ZDHHC21: variants seen among roughly 807,000 people sequenced by gnomAD.
The protein encoded by ZDHHC21 is zDHHC palmitoyltransferase 21.
Under a neutral mutation model 34.6 loss-of-function variants are expected in ZDHHC21, and 15 were observed. The ratio of observed to expected loss-of-function variants is 0.43; its 90% CI spans 0.29 to 0.67. The LOEUF (loss-of-function observed/expected upper bound fraction) is 0.67, where lower values mean the gene tolerates loss of function less well. Among genes scored for constraint, ZDHHC21 ranks in the 30% least tolerant of loss-of-function variants. ZDHHC21 has a pLI of 0.14. For missense variants in ZDHHC21, 344 were observed against 327.7 expected, an observed-to-expected ratio of 1.05 and a Z score of -0.38; for synonymous variants, 142 against 101.8, an observed-to-expected ratio of 1.40 and a Z score of -2.38.
intron 3 of ZDHHC21, among the ~76,000 whole-genome samples, chr9:14,675,563 G>C (rs1836225693): frequency 6.6e-6 from 1 of 151,836 alleles, no homozygotes; most frequent in Non-Finnish European, 1.5e-5. Flanking sequence ...ACACTTCAAT[G>C]TTACCACAAT....
chr9:14,589,283 A>G, the ZDHHC21 span: 5 of 152,208 alleles, frequency 3.3e-5, no homozygotes, highest in African/African-American at 1.2e-4. Flanking sequence ...CTGTAACAAG[A>G]AAGAATTGGA....
At chr9:14,598,186 G>A in the ZDHHC21 span, among the ~76,000 whole-genome samples, 1 of 151,958 alleles carries the variant, frequency 6.6e-6, no homozygotes, top group Non-Finnish European at 1.5e-5. Flanking sequence ...CATGTATGCT[G>A]CCCAAAGACC....
intron 8 of ZDHHC21, among the ~76,000 whole-genome samples, chr9:14,620,206 T>C (rs1198340499): frequency 2.0e-5 from 3 of 151,862 alleles, no homozygotes; most frequent in Non-Finnish European, 4.4e-5. Flanking sequence ...CTGACCAGAG[T>C]TCTTTCTTAG....
intron 2 of ZDHHC21, among the ~76,000 whole-genome samples, chr9:14,689,128 A>G (rs1158571116): frequency 1.3e-5 from 2 of 152,212 alleles, no homozygotes; most frequent in South Asian, 2.1e-4. Flanking sequence ...TAGTCAAAAA[A>G]ACTTCAAATA....
chr9:14,673,714 A>G (rs1457878224), intron 4 of ZDHHC21, among the ~76,000 whole-genome samples: 1 of 140,532 alleles, frequency 7.1e-6, no homozygotes, highest in East Asian at 2.2e-4. Context: ...TATAATTTCA[A>G]TTTATTTTAA....
chr9:14,597,654 G>C, the ZDHHC21 span, among the ~76,000 whole-genome samples: 6 of 152,052 alleles, frequency 3.9e-5, no homozygotes, highest in African/African-American at 1.2e-4. Flanking sequence ...GGGGGTCTGA[G>C]GTAAGGTCTG....
At chr9:14,656,340 T>A (rs188233923) in intron 7 of ZDHHC21, among the ~76,000 whole-genome samples, 172 of 152,090 alleles carry the variant, frequency 1.1e-3, no homozygotes, top group Non-Finnish European at 2.0e-3. Flanking sequence ...CATTCAATTT[T>A]ATGTATTTAA....
At chr9:14,626,070 A>G (rs1431369616) in intron 8 of ZDHHC21, among the ~76,000 whole-genome samples, 1 of 151,992 alleles carries the variant, frequency 6.6e-6, no homozygotes, top group Admixed American at 6.6e-5. Flanking sequence ...ACAGCTGAAA[A>G]ACTGTTTATA....
Position 14,618,980 on chromosome 9 carries a change from C to T in ZDHHC21, c.784G>A (p.Ala262Thr). 2 of 1,608,572 alleles carry T rather than the reference C, an allele frequency of 1.2e-6. No homozygotes were observed. ...RQPLRVPYHFANHV is the reference protein window; with the variant it reads ...RQPLRVPYHFTNHV ...CATCCATCTGTTTAGACATGATTGGCAAAGTGGTAGGGAACTCGCAGTGGT... is the reference window on the plus strand; with the variant it reads ...CATCCATCTGTTTAGACATGATTGGTAAAGTGGTAGGGAACTCGCAGTGGT... Residue 262 changes from alanine to threonine, a missense_variant, in exon 10 of 10, where the codon GCC becomes ACC. Physicochemically the swap from Ala to Thr is moderately conservative, Grantham distance 58. Transcript: ENST00000380916.
the ZDHHC21 span, among the ~76,000 whole-genome samples, chr9:14,602,773 AAAAGC>A: frequency 6.6e-6 from 1 of 152,238 alleles, no homozygotes; most frequent in South Asian, 2.1e-4. Context: ...AACAAAGGAC[AAAAGC>A]CAGGCACAGT....
chr9:14,624,468 T>A (rs553773363), intron 8 of ZDHHC21, among the ~76,000 whole-genome samples: 2 of 152,182 alleles, frequency 1.3e-5, no homozygotes, highest in South Asian at 2.1e-4. Flanking sequence ...ATATACACAA[T>A]GGAATACTAA....
intron 8 of ZDHHC21, among the ~76,000 whole-genome samples, chr9:14,621,281 G>T (rs1483546871): frequency 6.6e-6 from 1 of 151,936 alleles, no homozygotes; most frequent in Non-Finnish European, 1.5e-5. Flanking sequence ...TGGTATATAA[G>T]GCAAATGAAA....
rs373241785 is a variant in ZDHHC21 at position 14,658,713 on chromosome 9, C to T, written c.504+36G>A. 77 of 1,593,486 alleles carry T rather than the reference C, an allele frequency of 4.8e-5. No individual in the cohort carries two copies. The African/African-American group carries it at 5.8e-4, about 12-fold the overall frequency. ...GTCTCGATCTCCTGACCTCGTGATC[C>T]GCCCGCCTCGGCCTCCCAATATAAA... On this transcript the variant is annotated intron_variant, in intron 7 of 9. Transcript: ENST00000380916.
intron 8 of ZDHHC21, among the ~76,000 whole-genome samples, chr9:14,628,019 C>T (rs915062128): frequency 1.6e-4 from 24 of 152,112 alleles, no homozygotes; most frequent in African/African-American, 5.8e-4. Context: ...TCGAAGTAGA[C>T]TGATTTGAAA....
intron 8 of ZDHHC21, among the ~76,000 whole-genome samples, chr9:14,621,162 T>C (rs1825239332): frequency 6.6e-6 from 1 of 152,024 alleles, no homozygotes; most frequent in South Asian, 2.1e-4. Flanking sequence ...AAGAAAAAGA[T>C]GAGATAGAAG....
intron 8 of ZDHHC21, among the ~76,000 whole-genome samples, chr9:14,624,038 G>A (rs1258551097): frequency 6.6e-6 from 1 of 152,076 alleles, no homozygotes; most frequent in African/African-American, 2.4e-5. Context: ...CTCCATATTT[G>A]TGGGTTCTGT....
chr9:14,684,678 T>C (rs1837992358), intron 2 of ZDHHC21, among the ~76,000 whole-genome samples: 1 of 152,030 alleles, frequency 6.6e-6, no homozygotes, highest in South Asian at 2.1e-4. Context: ...CCAATGCCTT[T>C]CTTCACAGAA....
the ZDHHC21 span, among the ~76,000 whole-genome samples, chr9:14,605,519 A>C: frequency 6.6e-6 from 1 of 152,072 alleles, no homozygotes; most frequent in Non-Finnish European, 1.5e-5. Flanking sequence ...TTTGCCCATT[A>C]TTTAATCAGT....
intron 8 of ZDHHC21, among the ~76,000 whole-genome samples, chr9:14,628,339 G>A (rs1210335040): frequency 1.3e-5 from 2 of 151,900 alleles, no homozygotes; most frequent in Non-Finnish European, 2.9e-5. Flanking sequence ...ACTATCAACA[G>A]GAAGATGAGA....
Sources: gnomAD v4.1 joint callset for allele counts (sites outside exome capture counted in the v4.1 genomes callset) on GRCh38, gnomAD v4.1.1 for gene constraint, MANE v1.5 for transcripts, NCBI Gene and HGNC (gene_info 2026-07-23, HGNC 2026-07-21) for gene names.